The following LRIF1 variants were observed in gnomAD, a reference collection of about 807,000 sequenced individuals.
LRIF1 encodes the protein ligand-dependent nuclear receptor-interacting factor 1.
A neutral mutation model predicts 52.7 loss-of-function variants in LRIF1; 32 were observed. The observed-to-expected ratio is 0.61, with a 90% CI of 0.46 to 0.82. LRIF1 has a LOEUF of 0.82. Among genes scored for constraint, LRIF1 ranks in the 40% least tolerant of loss-of-function variants. LRIF1 has a pLI of 0.00. For synonymous variants in LRIF1, 323 were observed against 317.4 expected (o/e 1.02, Z -0.19); for missense variants, 887 against 892.0 (o/e 0.99, Z 0.07).
the LRIF1 span, among the ~76,000 whole-genome samples, chr1:110,919,856 G>A: frequency 6.6e-6 from 1 of 152,086 alleles, no homozygotes; most frequent in Non-Finnish European, 1.5e-5. Flanking sequence ...TGAACAATAA[G>A]AAAATGAGCC....
At chr1:110,922,278 A>C in the LRIF1 span, among the ~76,000 whole-genome samples, 4 of 152,110 alleles carry the variant, frequency 2.6e-5, no homozygotes, top group Non-Finnish European at 5.9e-5. Flanking sequence ...ATTATTGGGG[A>C]AGTTAAATCA....
chr1:110,937,192 G>T, the LRIF1 span: 1 of 151,986 alleles, frequency 6.6e-6, no homozygotes, highest in South Asian at 2.1e-4. Flanking sequence ...AATCAACAAA[G>T]AAACATCAGA....
the LRIF1 span, among the ~76,000 whole-genome samples, chr1:110,934,431 C>T: frequency 3.3e-5 from 5 of 152,296 alleles, no homozygotes; most frequent in South Asian, 4.2e-4. Flanking sequence ...AGATGGCATC[C>T]TTGGACCTGC....
chr1:110,916,241 CAAT>C, the LRIF1 span, among the ~76,000 whole-genome samples: 1 of 151,880 alleles, frequency 6.6e-6, no homozygotes, highest in Non-Finnish European at 1.5e-5. Context: ...TTATAAACAA[CAAT>C]AATAATATCT....
chr1:110,919,261 GC>G, the LRIF1 span, among the ~76,000 whole-genome samples: 1 of 95,570 alleles, frequency 1.0e-5, no homozygotes, highest in African/African-American at 4.8e-5. Context: ...GAGTCACTGG[GC>G]TGGGGAAGGC....
chr1:110,952,202 T>C lies in LRIF1; in HGVS notation c.682A>G (p.Thr228Ala), dbSNP rs759060548. 2 of 1,614,098 alleles carry C rather than the reference T, an allele frequency of 1.2e-6. No homozygotes were observed. The highest frequency in any genetic ancestry group is 2.2e-5 in the East Asian group (1 of 44,904). The change falls in exon 2 of 4, where the codon ACC (threonine) becomes GCC (alanine). Residue 228 changes from threonine (T) to alanine (A), a missense_variant. Physicochemically the swap from Thr to Ala is moderately conservative, Grantham distance 58 (BLOSUM62 0). Transcript: ENST00000369763. Reference protein sequence around the residue: ...SGMVEASQMPTVIYVSPVNTV... With the variant: ...SGMVEASQMPAVIYVSPVNTV... ...TTTACAGGAGATACATAAATAACGG[T>C]TGGCATTTGGGAGGCCTCAACCATT... is the stretch of plus-strand genomic sequence containing the variant.
rs778893762 is a variant in LRIF1, at chr1:110,951,492, G to A, written c.1392C>T (p.Asn464=). The part of the protein sequence containing the change: ...TTNPHMNQSS[N]YLKQSKTLFT... ...ATAAAGTCTTACTCTGTTTTAAGTA[G>A]TTACTGGATTGGTTCATATGTGGAT... Residue 464 remains asparagine, a synonymous_variant, in exon 2 of 4, where the codon AAC becomes AAT. Coordinates refer to ENST00000369763, the MANE Select transcript of LRIF1 (RefSeq NM_018372.4). The A allele has an allele frequency of 4.8e-5, 78 of 1,613,986 alleles. 1 individual carries two copies. Among genetic ancestry groups the A allele is most frequent in the Non-Finnish European group, 6.6e-5 (78 of 1,180,018 alleles).
chr1:110,899,497 A>T, the LRIF1 span: 3 of 272,728 alleles, frequency 1.1e-5, no homozygotes, highest in East Asian at 2.7e-4. Flanking sequence ...CCAACATCAA[A>T]GGGTGAACCC....
At chr1:110,955,982 G>T (rs1216768337) in intron 1 of LRIF1, among the ~76,000 whole-genome samples, 2 of 152,154 alleles carry the variant, frequency 1.3e-5, no homozygotes, top group Admixed American at 1.3e-4. Context: ...TCCTTCCATT[G>T]CAACACTGGA....
chr1:110,945,343 C>T (rs1570935745), downstream of LRIF1, among the ~76,000 whole-genome samples: 1 of 151,988 alleles, frequency 6.6e-6, no homozygotes, highest in Admixed American at 6.6e-5. Flanking sequence ...TAATATTTTG[C>T]TTGCTATATT....
chr1:110,958,438 A>T (rs1026493487), intron 1 of LRIF1, among the ~76,000 whole-genome samples: 7 of 134,542 alleles, frequency 5.2e-5, no homozygotes, highest in Admixed American at 8.0e-5. Flanking sequence ...TATTGACTTT[A>T]ATCTATTAGC....
chr1:110,962,112 TCTTA>T (rs1283082670), intron 1 of LRIF1, among the ~76,000 whole-genome samples: 1 of 151,218 alleles, frequency 6.6e-6, no homozygotes, highest in East Asian at 1.9e-4. Flanking sequence ...AAGTTGTTTA[TCTTA>T]CTTTTTGTAT....
At chr1:110,894,821 C>T in the LRIF1 span, 2 of 669,872 alleles carry the variant, frequency 3.0e-6, no homozygotes, top group Non-Finnish European at 5.5e-6. Flanking sequence ...AGATAAACAC[C>T]CTCCCCTCAC....
At chr1:110,930,258 C>T in the LRIF1 span, among the ~76,000 whole-genome samples, 4 of 152,058 alleles carry the variant, frequency 2.6e-5, no homozygotes, top group East Asian at 3.9e-4. Context: ...TGTAGAATGC[C>T]CCTCAATTTG....
At chr1:110,878,221 T>C in the LRIF1 span, among the ~76,000 whole-genome samples, 2 of 152,170 alleles carry the variant, frequency 1.3e-5, no homozygotes, top group Non-Finnish European at 2.9e-5. Context: ...GAACTATCTA[T>C]TATGTATCTC....
At chr1:110,891,215 G>A in the LRIF1 span, among the ~76,000 whole-genome samples, 2 of 152,238 alleles carry the variant, frequency 1.3e-5, no homozygotes, top group African/African-American at 2.4e-5. Context: ...TGTCTAAGAT[G>A]AGCCAGTTGG....
At chr1:110,897,060 T>C in the LRIF1 span, among the ~76,000 whole-genome samples, 1 of 152,320 alleles carries the variant, frequency 6.6e-6, no homozygotes, top group South Asian at 2.1e-4. Flanking sequence ...TAAAGTGAAA[T>C]GTATAGGGTT....
At chr1:110,882,067 G>A in the LRIF1 span, among the ~76,000 whole-genome samples, 11 of 152,082 alleles carry the variant, frequency 7.2e-5, no homozygotes, top group African/African-American at 2.4e-4. Flanking sequence ...TCTGTGCCTT[G>A]TCTTTTCATT....
chr1:110,901,477 C>CTTTTTTTTTT, the LRIF1 span, among the ~76,000 whole-genome samples: 3 of 115,904 alleles, frequency 2.6e-5, no homozygotes, highest in Non-Finnish European at 1.7e-5. Context: ...CGCACCCGGC[C>CTTTTTTTTTT]TTTTTTTTTT....
Sources: allele counts gnomAD v4.1 joint callset (sites outside exome capture counted in the v4.1 genomes callset), GRCh38; gene constraint gnomAD v4.1.1; transcripts MANE v1.5; gene names NCBI Gene and HGNC (gene_info 2026-07-23, HGNC 2026-07-21).